Variants in SYNJ1 observed in about 807,000 individuals in gnomAD.
The protein encoded by SYNJ1 is synaptojanin 1.
SYNJ1 carries 78 observed loss-of-function variants against 168.2 expected under a neutral mutation model. That is an observed-to-expected ratio of 0.46 (90% CI 0.39 to 0.56). The LOEUF (loss-of-function observed/expected upper bound fraction) is 0.56. Ranked by LOEUF, SYNJ1 falls within the 20% of genes least tolerant of loss-of-function variation. SYNJ1 has a pLI of 0.00. For missense variants in SYNJ1, 1,303 were observed against 1,597.6 expected, an observed-to-expected ratio of 0.82 and a Z score of 3.14; for synonymous variants, 539 against 548.6, an observed-to-expected ratio of 0.98 and a Z score of 0.24.
intron 22 of SYNJ1, among the ~76,000 whole-genome samples, chr21:32,652,129 G>C (rs964789808): frequency 6.6e-6 from 1 of 151,700 alleles, no homozygotes; most frequent in South Asian, 2.1e-4. Flanking sequence ...TTTTACATGA[G>C]TATACTAGTA....
At chr21:32,705,857 T>A (rs911522906) in intron 2 of SYNJ1, among the ~76,000 whole-genome samples, 1 of 152,100 alleles carries the variant, frequency 6.6e-6, no homozygotes, top group Non-Finnish European at 1.5e-5. Context: ...TGTGGTGGCA[T>A]GCACCTGGGG....
chr21:32,682,773 TA>T (rs1327762404), intron 10 of SYNJ1, among the ~76,000 whole-genome samples: 1 of 152,138 alleles, frequency 6.6e-6, no homozygotes, highest in Non-Finnish European at 1.5e-5. Context: ...ACATCTGTTA[TA>T]ATTTTGATGA....
chr21:32,686,875 G>T, intron 8 of SYNJ1, 103 bp downstream of exon 8: 1 of 792,854 alleles, frequency 1.3e-6, no homozygotes, highest in Non-Finnish European at 1.9e-6. Flanking sequence ...TTTCTTGGAA[G>T]TAATTTACTT....
intron 11 of SYNJ1, among the ~76,000 whole-genome samples, chr21:32,681,113 A>G (rs559274038): frequency 1.3e-5 from 2 of 152,320 alleles, no homozygotes; most frequent in Admixed American, 1.3e-4. Context: ...AAAGCCAAAT[A>G]AGAGAGAACC....
At chr21:32,650,457 T>C (rs1231543921) in intron 22 of SYNJ1, 111 bp from the exon 23 acceptor site, 2 of 872,542 alleles carry the variant, frequency 2.3e-6, no homozygotes, top group East Asian at 5.8e-5. Flanking sequence ...TTAATTTAGT[T>C]AGACAATTCA....
chr21:32,638,933 G>A lies in SYNJ1; in HGVS notation c.3890C>T (p.Pro1297Leu). The A allele has an allele frequency of 6.2e-7, 1 of 1,607,282 alleles. No individual in the cohort carries two copies. Among genetic ancestry groups the A allele is most frequent in the Non-Finnish European group, 8.5e-7 (1 of 1,175,482 alleles). ...PPRSRSSHSL[P>L]SEASSQPQQE... is the part of the protein sequence containing the mutation. Reference sequence around the variant, plus strand: ...TTGCGGTTGTGAGGAAGCTTCTGAAGGCAAGCTATGGGATGACCTGCTTCG... The same window carrying A: ...TTGCGGTTGTGAGGAAGCTTCTGAAAGCAAGCTATGGGATGACCTGCTTCG... Residue 1297 changes from proline (P) to leucine (L), a missense_variant, in exon 31 of 33, where the codon CCT becomes CTT. Physicochemically the swap from Pro to Leu is moderately conservative, Grantham distance 98. This residue lies in a region of SYNJ1 where 383 missense variants were observed against 388.8 expected (regional missense o/e 0.99). Coordinates refer to ENST00000674351, the MANE Select transcript of SYNJ1 (RefSeq NM_203446.3).
intron 18 of SYNJ1, among the ~76,000 whole-genome samples, chr21:32,663,525 TTG>T (rs1466512195): frequency 6.6e-6 from 1 of 152,190 alleles, no homozygotes; most frequent in Non-Finnish European, 1.5e-5. Flanking sequence ...GGACAGGTAG[TTG>T]TGTTATTGGC....
At chr21:32,695,652 T>C (rs1207353418) in intron 4 of SYNJ1, among the ~76,000 whole-genome samples, 2 of 149,948 alleles carry the variant, frequency 1.3e-5, no homozygotes, top group Non-Finnish European at 3.0e-5. Flanking sequence ...TATTTATTTA[T>C]TTATTTATTT....
At chr21:32,708,821 C>T (rs2042711539) in intron 2 of SYNJ1, among the ~76,000 whole-genome samples, 1 of 151,352 alleles carries the variant, frequency 6.6e-6, no homozygotes, top group Non-Finnish European at 1.5e-5. Flanking sequence ...CTTTGTGGGC[C>T]CAAAAAGAAT....
chr21:32,689,303 CT>C (rs905104465), intron 6 of SYNJ1, among the ~76,000 whole-genome samples: 1 of 151,766 alleles, frequency 6.6e-6, no homozygotes, highest in East Asian at 1.9e-4. Flanking sequence ...GAACAAAGTG[CT>C]TTTTTTTGTG....
intron 18 of SYNJ1, among the ~76,000 whole-genome samples, chr21:32,662,401 G>A (rs969845879): frequency 2.6e-5 from 4 of 152,100 alleles, no homozygotes; most frequent in African/African-American, 9.7e-5. Context: ...TGAATGCCTA[G>A]GAACTTTAAA....
chr21:32,693,704 C>T (rs1301907560), intron 6 of SYNJ1, among the ~76,000 whole-genome samples: 1 of 152,132 alleles, frequency 6.6e-6, no homozygotes. Flanking sequence ...ATTCTAAGTG[C>T]TTTTAATTTA....
intron 2 of SYNJ1, among the ~76,000 whole-genome samples, chr21:32,703,858 C>T (rs145424445): frequency 2.1e-3 from 327 of 152,096 alleles, no homozygotes; most frequent in African/African-American, 7.6e-3. Flanking sequence ...GGACTACAGG[C>T]ATGTGCCACT....
intron 18 of SYNJ1, among the ~76,000 whole-genome samples, chr21:32,660,185 T>G (rs113015937): frequency 6.6e-6 from 1 of 152,172 alleles, no homozygotes; most frequent in African/African-American, 2.4e-5. Flanking sequence ...TCAAAACAAC[T>G]AGATGGGGTT....
intron 1 of SYNJ1, 147 bp downstream of exon 1, chr21:32,727,799 G>A (rs2043540202): frequency 2.1e-6 from 3 of 1,437,844 alleles, no homozygotes; most frequent in South Asian, 2.8e-5. Context: ...AACCCCGCCC[G>A]TCCTCCCGCA....
At chr21:32,708,209 A>G (rs1406460901) in intron 2 of SYNJ1, among the ~76,000 whole-genome samples, 4 of 152,146 alleles carry the variant, frequency 2.6e-5, no homozygotes, top group Admixed American at 6.5e-5. Context: ...AAAATACTGA[A>G]GTTTATGAAG....
Position 32,695,085 on chromosome 21 carries a change from T to C in SYNJ1, c.677A>G (p.His226Arg). ...FNVRGTNDDG[H>R]VANFVETEQV... ...TTCTGTTTCTACAAAATTGGCAACA[T>C]GACCATCATCATTTGTTCCCCGGAC... The change falls in exon 5 of 33, where the codon CAT (histidine) becomes CGT (arginine). Residue 226 changes from histidine (H) to arginine (R), a missense_variant. By Grantham distance (29) the His-to-Arg change is conservative. This residue lies in a region of SYNJ1 where 920 missense variants were observed against 1,208.8 expected (regional missense o/e 0.76). Transcript: ENST00000674351. 6.2e-7 allele frequency: 1 copy of C among 1,614,172 alleles called. No homozygotes were observed. Among genetic ancestry groups the C allele is most frequent in the Non-Finnish European group, 8.5e-7 (1 of 1,180,008 alleles).
chr21:32,712,181 G>C (rs2042853273), intron 2 of SYNJ1, among the ~76,000 whole-genome samples: 1 of 152,176 alleles, frequency 6.6e-6, no homozygotes, highest in African/African-American at 2.4e-5. Context: ...CTGCATGTTA[G>C]AATGATCTCT....
At chr21:32,728,238 A>T, upstream of SYNJ1, 1 of 609,876 alleles carries the variant, frequency 1.6e-6, no homozygotes, top group African/African-American at 2.0e-5. Flanking sequence ...GTGCAGGGAG[A>T]GGGAAGATCT....
Sources: gnomAD v4.1 joint callset for allele counts (sites outside exome capture counted in the v4.1 genomes callset) on GRCh38, gnomAD v4.1.1 for gene constraint, gnomAD v4.1.1 regional missense constraint, MANE v1.5 for transcripts, NCBI Gene and HGNC (gene_info 2026-07-23, HGNC 2026-07-21) for gene names.